The following RTN4 variants were observed in gnomAD, a reference collection of about 807,000 sequenced individuals.
RTN4 encodes reticulon 4.
Under a neutral mutation model 90.4 loss-of-function variants are expected in RTN4, and 32 were observed. The observed-to-expected ratio is 0.35, with a 90% confidence interval of 0.27 to 0.48. The LOEUF (loss-of-function observed/expected upper bound fraction) is 0.48, where lower values mean the gene tolerates loss of function less well. Among genes scored for constraint, RTN4 ranks in the 20% least tolerant of loss-of-function variants. The probability of loss-of-function intolerance (pLI) is 0.99; values close to 1 mark genes in which losing one functional copy is unlikely to be tolerated. For missense variants in RTN4, 1,706 were observed against 1,430.2 expected (o/e 1.19, Z -3.11); for synonymous variants, 629 against 552.5 (o/e 1.14, Z -1.94).
In RTN4 at chr2:55,098,661, T is replaced by A. The variant is rs894056648; in HGVS notation, c.-214+13859A>T. Among the ~76,000 whole-genome samples the A allele has an allele frequency of 2.0e-5, 3 of 152,252 alleles. No individual in the cohort carries two copies. The East Asian group carries it at 5.8e-4, about 29-fold the overall frequency. On this transcript the variant is annotated intron_variant, in intron 1 of 3. Transcript: ENST00000427710. ...ATGACCAATTTTCTCATAAATGCAA[T>A]TTCTTTTAATTTTAAAAAATTAAGA...
chr2:54,973,117 C>A lies in RTN4; in HGVS notation c.*39G>T, dbSNP rs756245158. On this transcript the variant is annotated 3_prime_UTR_variant, in exon 9 of 9. Coordinates refer to ENST00000337526, the MANE Select transcript of RTN4 (RefSeq NM_020532.5). ...CCCCCGTATAATCAAATGAATATCCCCTTTAAAGATGAACTCCTACTAATT... is the reference window on the plus strand; with the variant it reads ...CCCCCGTATAATCAAATGAATATCCACTTTAAAGATGAACTCCTACTAATT... The A allele has an allele frequency of 2.6e-6, 4 of 1,555,198 alleles. No homozygotes were observed. In the East Asian group the frequency reaches 9.1e-5, roughly 35 times the overall value.
chr2:55,008,354 T>A (rs1042088585), intron 3 of RTN4, among the ~76,000 whole-genome samples: 1 of 152,202 alleles, frequency 6.6e-6, no homozygotes, highest in Non-Finnish European at 1.5e-5. Context: ...GAGGAAAAAC[T>A]CATTCCATGA....
chr2:55,116,543 C>A (rs1021377544), upstream of RTN4, among the ~76,000 whole-genome samples: 2 of 152,200 alleles, frequency 1.3e-5, no homozygotes, highest in African/African-American at 4.8e-5. Flanking sequence ...ACATTGGAAG[C>A]ATTCACTGTT....
rs142387169 is a variant in RTN4, at chr2:55,095,526, T to C, written c.-213-14887A>G. 3.6e-3 allele frequency among the ~76,000 whole-genome samples: 546 copies of C among 152,288 alleles called. 4 individuals carry two copies. The highest frequency in any genetic ancestry group is 0.012 in the African/African-American group (515 of 41,556). On this transcript the variant is annotated intron_variant, in intron 1 of 3. Coordinates refer to the RTN4 transcript ENST00000427710. The stretch of plus-strand genomic sequence containing the variant: ...ACTATTCAGATTTTTTTCTTTTCTT[T>C]CAGTGAAACCCTGTCTTACTTTGCT...
the RTN4 span, among the ~76,000 whole-genome samples, chr2:55,133,267 T>C: frequency 1.3e-5 from 2 of 152,186 alleles, no homozygotes; most frequent in Non-Finnish European, 2.9e-5. Flanking sequence ...TATATTTATA[T>C]ATGGGGTTCA....
In RTN4 at chr2:55,027,103, CTCT is replaced by C. The variant is rs753557487; in HGVS notation, c.993_995del (p.Glu332del). 1 of 1,613,206 alleles carries C rather than the reference CTCT, an allele frequency of 6.2e-7. No individual in the cohort carries two copies. Among genetic ancestry groups the C allele is most frequent in the South Asian group, 1.1e-5 (1 of 91,054 alleles). On this transcript the variant is annotated inframe_deletion, in exon 3 of 9. Coordinates refer to ENST00000337526, the MANE Select transcript of RTN4 (RefSeq NM_020532.5). ...GAAGGATGTTATTACTAACTAACTT[CTCT>C]TCTTCATCTTTATTTTTCACGATTA...
At chr2:55,113,035 A>G (rs1668065688), upstream of RTN4, among the ~76,000 whole-genome samples, 1 of 152,232 alleles carries the variant, frequency 6.6e-6, no homozygotes, top group Non-Finnish European at 1.5e-5. Flanking sequence ...TGGATGGTCC[A>G]TAGATAGAAG....
chr2:55,024,041 A>T (rs1215282176), intron 3 of RTN4, among the ~76,000 whole-genome samples: 1 of 152,182 alleles, frequency 6.6e-6, no homozygotes, highest in African/African-American at 2.4e-5. Context: ...CTTACTGGAT[A>T]TCTTAGAGGT....
Position 55,049,429 on chromosome 2 carries a change from A to AG in RTN4, c.556+315_556+316insC, listed in dbSNP as rs533126656. 9.4e-4 allele frequency: 384 copies of AG among 406,812 alleles called. 1 individual carries two copies. Among genetic ancestry groups the AG allele is most frequent in the African/African-American group, 6.6e-3 (318 of 47,954 alleles). 25.2% of individuals were successfully genotyped at this position (406,812 alleles called of 1,614,324 possible). On this transcript the variant is annotated intron_variant, in intron 1 of 8. Transcript: ENST00000337526. ...CCACAACCCTGGCTCTCGGGTATAT[A>AG]CCCGGCTCCTACTACGGGTGGGTGC...
chr2:55,110,621 C>T (rs1573523798), intron 1 of RTN4, among the ~76,000 whole-genome samples: 1 of 152,068 alleles, frequency 6.6e-6, no homozygotes, highest in Non-Finnish European at 1.5e-5. Flanking sequence ...TATCTGAGGG[C>T]GCATATACGT....
intron 1 of RTN4, among the ~76,000 whole-genome samples, chr2:55,048,747 A>T (rs1012492529): frequency 6.6e-6 from 1 of 152,150 alleles, no homozygotes; most frequent in Non-Finnish European, 1.5e-5. Context: ...TATATATGAA[A>T]ATGTCTGTCT....
chr2:55,037,563 A>C (rs150867262), intron 1 of RTN4, among the ~76,000 whole-genome samples: 2 of 152,170 alleles, frequency 1.3e-5, no homozygotes, highest in African/African-American at 2.4e-5. Context: ...GCACAAGAAA[A>C]TGCTAATATT....
At chr2:55,008,973 A>G (rs1317038552) in intron 3 of RTN4, among the ~76,000 whole-genome samples, 8 of 152,174 alleles carry the variant, frequency 5.3e-5, no homozygotes, top group Non-Finnish European at 7.4e-5. Context: ...CTAAAGGCAA[A>G]ACCCAAAGCT....
At position 55,050,073 on chromosome 2, in the gene RTN4, C is replaced by T. The variant is rs202244693; in HGVS notation, c.228G>A (p.Ala76=). 11,277 of 1,447,902 alleles carry T rather than the reference C, an allele frequency of 7.8e-3. 61 individuals carry two copies. Among genetic ancestry groups the T allele is most frequent in the Non-Finnish European group, 9.1e-3 (10,077 of 1,105,606 alleles). 89.7% of individuals were successfully genotyped at this position (1,447,902 alleles called of 1,614,324 possible). Residue 76 remains alanine, a synonymous_variant, in exon 1 of 9, where the codon GCG becomes GCA. Transcript: ENST00000337526. The surrounding 1 kb of genome is among the most constrained non-coding windows in gnomAD (Gnocchi z 4.6). Reference sequence around the variant, plus strand: ...AGTCATTTCCGAAGTCCATCAGGGGCGCGCCGGCGGCAGGGGCGGTGGGCA... The same window carrying T: ...AGTCATTTCCGAAGTCCATCAGGGGTGCGCCGGCGGCAGGGGCGGTGGGCA... The part of the protein sequence containing the change: ...APVPTAPAAG[A]PLMDFGNDFV...
intron 1 of RTN4, among the ~76,000 whole-genome samples, chr2:55,048,532 T>C (rs1482555705): frequency 6.6e-6 from 1 of 152,028 alleles, no homozygotes; most frequent in Non-Finnish European, 1.5e-5. Flanking sequence ...AAAACTAAGA[T>C]ACAAACGCAT....
chr2:54,972,913 G>C lies in RTN4; in HGVS notation c.*243C>G. 2.9e-6 allele frequency: 1 copy of C among 350,582 alleles called. No homozygotes were observed. The highest frequency in any genetic ancestry group is 4.3e-5 in the East Asian group (1 of 23,480). 21.7% of individuals were successfully genotyped at this position (350,582 alleles called of 1,614,324 possible). A position where few individuals can be genotyped will look rare whatever the true frequency, so the allele number is the denominator to read the frequency against. On this transcript the variant is annotated 3_prime_UTR_variant, in exon 9 of 9. Coordinates refer to ENST00000337526, the MANE Select transcript of RTN4 (RefSeq NM_020532.5). ...TTCCACCAGTGCCTCAGATAGATAG[G>C]AAAAAGATATGATTACGGTTTAAAT...
exon 1 of RTN4, chr2:55,112,578 G>A (rs896012390): frequency 1.3e-5 from 2 of 152,292 alleles, no homozygotes; most frequent in African/African-American, 2.4e-5. Flanking sequence ...CGAGCCTGGA[G>A]CCGGGCTGCC....
the RTN4 span, among the ~76,000 whole-genome samples, chr2:55,123,399 G>A: frequency 6.6e-6 from 1 of 152,012 alleles, no homozygotes; most frequent in Non-Finnish European, 1.5e-5. Context: ...CCCCAATGCT[G>A]TCCCAGCCTA....
intron 4 of RTN4, among the ~76,000 whole-genome samples, chr2:54,982,863 T>A (rs1429817261): frequency 1.3e-5 from 2 of 152,162 alleles, no homozygotes; most frequent in East Asian, 3.8e-4. Context: ...AGCATACACT[T>A]TGAAGCCAGA....
Sources: gnomAD v4.1 joint callset for allele counts (sites outside exome capture counted in the v4.1 genomes callset) on GRCh38, gnomAD v4.1.1 for gene constraint, Gnocchi (gnomAD v3.1) non-coding constraint, MANE v1.5 for transcripts, NCBI Gene and HGNC (gene_info 2026-07-23, HGNC 2026-07-21) for gene names.